The following CACNA1E variants were observed in gnomAD, a reference collection of about 807,000 sequenced individuals.
The protein encoded by CACNA1E is calcium voltage-gated channel subunit alpha1 E.
In CACNA1E, 40 loss-of-function variants were observed where a neutral mutation model predicts 259.2. The observed-to-expected ratio is 0.15, with a 90% CI of 0.12 to 0.20. CACNA1E has a LOEUF of 0.20. Ranked by LOEUF, CACNA1E falls within the 10% of genes least tolerant of loss-of-function variation. The probability of loss-of-function intolerance (pLI) is 1.00; values close to 1 mark genes in which losing one functional copy is unlikely to be tolerated. For synonymous variants in CACNA1E, 1,104 were observed against 1,138.5 expected, an observed-to-expected ratio of 0.97 and a Z score of 0.61; for missense variants, 1,874 against 3,040.1, an observed-to-expected ratio of 0.62 and a Z score of 9.02.
rs377072842 is a variant in CACNA1E, at chr1:181,772,141, C to T, written c.5049C>T (p.Thr1683=). 66 of 1,613,882 alleles carry T rather than the reference C, an allele frequency of 4.1e-5. 1 individual carries two copies. Among genetic ancestry groups the T allele is most frequent in the South Asian group, 4.1e-4 (37 of 91,058 alleles). The part of the protein sequence containing the change: ...LGEKGCEPDT[T]APSGQNENER... ...AGAAGGGCTGTGAGCCTGACACCAC[C>T]GCACCATCAGGGCAGAACGAGAACG... The change falls in exon 37 of 48, where the codon ACC becomes ACT. Residue 1683 remains threonine, a synonymous_variant. Transcript: ENST00000367573.
At chr1:181,454,232 G>C (rs1661321598) in intron 2 of CACNA1E, among the ~76,000 whole-genome samples, 1 of 152,212 alleles carries the variant, frequency 6.6e-6, no homozygotes, top group South Asian at 2.1e-4. Context: ...AAGCCATGCT[G>C]TATGGTGGAG....
chr1:181,629,667 AG>A (rs1196550902), intron 6 of CACNA1E, among the ~76,000 whole-genome samples: 1 of 152,134 alleles, frequency 6.6e-6, no homozygotes, highest in East Asian at 1.9e-4. Flanking sequence ...GTATATATAA[AG>A]AGCCTCTATA....
At chr1:181,501,395 C>T (rs1293446292) in intron 1 of CACNA1E, among the ~76,000 whole-genome samples, 2 of 152,222 alleles carry the variant, frequency 1.3e-5, no homozygotes, top group South Asian at 2.1e-4. Flanking sequence ...AAGTAGCAAT[C>T]ATGTGCACTT....
Position 181,802,422 on chromosome 1 carries a change from A to C in CACNA1E, c.*3588A>C, listed in dbSNP as rs1360108379. Reference sequence around the variant, plus strand: ...CTCAGCCAGTATCTCCCTTCTTTGCACAGATTCCTCCCAACCCCATAGAGC... The same window carrying C: ...CTCAGCCAGTATCTCCCTTCTTTGCCCAGATTCCTCCCAACCCCATAGAGC... On this transcript the variant is annotated 3_prime_UTR_variant, in exon 48 of 48. Coordinates refer to ENST00000367573, the MANE Select transcript of CACNA1E (RefSeq NM_001205293.3). 1 of 152,172 alleles carries C rather than the reference A, an allele frequency of 6.6e-6. No individual in the cohort carries two copies. The highest frequency in any genetic ancestry group is 1.9e-4 in the East Asian group (1 of 5,180). 9.4% of individuals were successfully genotyped at this position (152,172 alleles called of 1,614,324 possible).
intron 2 of CACNA1E, among the ~76,000 whole-genome samples, chr1:181,476,677 G>A (rs1045155703): frequency 3.9e-5 from 6 of 152,162 alleles, no homozygotes; most frequent in African/African-American, 1.4e-4. Context: ...TGAACCAATC[G>A]GCCTGAGCCC....
chr1:181,768,231 G>GTGAT (rs1659193913), intron 35 of CACNA1E, among the ~76,000 whole-genome samples: 1 of 152,014 alleles, frequency 6.6e-6, no homozygotes, highest in Non-Finnish European at 1.5e-5. Context: ...TCTGATAATG[G>GTGAT]TGATAATGCT....
intron 45 of CACNA1E, 100 bp downstream of exon 45, chr1:181,793,893 C>T (rs965016441): frequency 5.0e-5 from 63 of 1,260,764 alleles, no homozygotes; most frequent in African/African-American, 1.2e-4. Flanking sequence ...TTGACTTGCC[C>T]GCACCCCTTC....
intron 12 of CACNA1E, among the ~76,000 whole-genome samples, chr1:181,718,802 G>T (rs770329660): frequency 2.6e-5 from 4 of 152,026 alleles, no homozygotes; most frequent in East Asian, 1.9e-4. Flanking sequence ...GTCCCCTGCC[G>T]CTTACAGGAG....
intron 1 of CACNA1E, among the ~76,000 whole-genome samples, chr1:181,381,081 G>A (rs908644568): frequency 2.6e-5 from 4 of 151,862 alleles, no homozygotes; most frequent in South Asian, 2.1e-4. Flanking sequence ...CAGGAGAATC[G>A]CTTGAACCCA....
intron 16 of CACNA1E, among the ~76,000 whole-genome samples, chr1:181,722,261 A>G (rs897375954): frequency 6.6e-6 from 1 of 152,228 alleles, no homozygotes; most frequent in African/African-American, 2.4e-5. Flanking sequence ...GCCACATAGT[A>G]AGATCCCAAA....
rs115927746 is a variant in CACNA1E at position 181,580,638 on chromosome 1, G to A, written c.813G>A (p.Gln271=). The change falls in exon 6 of 48, where the codon CAG becomes CAA. Residue 271 remains glutamine (Q), a synonymous_variant. Transcript: ENST00000367573. ...GFDPPHPCGV[Q]GCPAGYECKD... ...ACCCCCCTCACCCATGTGGTGTGCA[G>A]GGCTGCCCAGCTGGTTATGAATGCA... The A allele has an allele frequency of 1.5e-4, 248 of 1,614,100 alleles. 1 individual carries two copies. The African/African-American group carries it at 2.9e-3, about 19-fold the overall frequency.
At chr1:181,408,822 T>G (rs965086357) in intron 1 of CACNA1E, among the ~76,000 whole-genome samples, 4 of 152,190 alleles carry the variant, frequency 2.6e-5, no homozygotes, top group Non-Finnish European at 5.9e-5. Flanking sequence ...CTTGGGCAAG[T>G]TTTGCAGAGC....
At chr1:181,481,371 C>T (rs577233485), upstream of CACNA1E, among the ~76,000 whole-genome samples, 11 of 149,384 alleles carry the variant, frequency 7.4e-5, no homozygotes, top group South Asian at 1.5e-3. Flanking sequence ...CACACACACA[C>T]TCTCACATAC....
chr1:181,726,411 T>C (rs1654912442), intron 18 of CACNA1E, among the ~76,000 whole-genome samples: 1 of 152,162 alleles, frequency 6.6e-6, no homozygotes, highest in Admixed American at 6.5e-5. Context: ...GGTCCTATGG[T>C]GGAGAAGTAC....
chr1:181,453,173 G>T (rs1280351734), intron 2 of CACNA1E, among the ~76,000 whole-genome samples: 2 of 152,206 alleles, frequency 1.3e-5, no homozygotes, highest in African/African-American at 4.8e-5. Context: ...AAAGGCTACA[G>T]TTTGCCTGGA....
chr1:181,586,700 T>A (rs1232966768), intron 6 of CACNA1E, among the ~76,000 whole-genome samples: 1 of 152,258 alleles, frequency 6.6e-6, no homozygotes, highest in Non-Finnish European at 1.5e-5. Context: ...GTCATTTGTA[T>A]AAATTCATCC....
chr1:181,728,920 G>A (rs1655185734), intron 18 of CACNA1E, among the ~76,000 whole-genome samples: 1 of 95,432 alleles, frequency 1.0e-5, no homozygotes, highest in African/African-American at 4.4e-5. Context: ...GCACAGATGT[G>A]TGAACATTGC....
At position 181,721,608 on chromosome 1, in the gene CACNA1E, A is replaced by C. The variant is rs1486175049; in HGVS notation, c.1957-150A>C. The stretch of plus-strand genomic sequence containing the variant: ...AAAAAAAGTTTAGGATTATTTATGG[A>C]AATGACTTTTTTTTTTTTTAACTCC... On this transcript the variant is annotated intron_variant, in intron 15 of 47. Transcript: ENST00000367573. The C allele has an allele frequency of 7.7e-6, 4 of 522,212 alleles. No individual in the cohort carries two copies. In the African/African-American group the frequency reaches 7.8e-5, roughly 10 times the overall value. 32.3% of individuals were successfully genotyped at this position (522,212 alleles called of 1,614,324 possible). A position where few individuals can be genotyped will look rare whatever the true frequency, so the allele number is the denominator to read the frequency against.
At chr1:181,338,234 C>T (rs1190312760) in intron 1 of CACNA1E, among the ~76,000 whole-genome samples, 6 of 152,032 alleles carry the variant, frequency 3.9e-5, no homozygotes, top group East Asian at 1.9e-4. Context: ...TACAGGTGTG[C>T]GCCACTATAC....
Sources: allele counts gnomAD v4.1 joint callset (sites outside exome capture counted in the v4.1 genomes callset), GRCh38; gene constraint gnomAD v4.1.1; transcripts MANE v1.5; gene names NCBI Gene and HGNC (gene_info 2026-07-23, HGNC 2026-07-21).